Variants in EPN3 observed in about 807,000 individuals in gnomAD.
EPN3 encodes the protein epsin-3.
In EPN3, 56 loss-of-function variants were observed where a neutral mutation model predicts 55.5. The ratio of observed to expected loss-of-function variants is 1.01; its 90% CI spans 0.81 to 1.26. The LOEUF is 1.26. Among genes scored for constraint, EPN3 ranks in the 50% most tolerant of loss-of-function variants. EPN3 has a pLI of 0.00. For synonymous variants in EPN3, 449 were observed against 375.2 expected (o/e 1.20, Z -2.27); for missense variants, 927 against 853.4 (o/e 1.09, Z -1.07).
At position 50,542,361 on chromosome 17, in the gene EPN3, C is replaced by G. The variant is rs1223203367; in HGVS notation, c.*204C>G. The G allele has an allele frequency of 1.9e-6, 1 of 520,760 alleles. No individual in the cohort carries two copies. The highest frequency in any genetic ancestry group is 3.2e-6 in the Non-Finnish European group (1 of 316,432). The allele number at this position is 520,760 out of a possible 1,614,324, so 32.3% of individuals were successfully genotyped here. ...CCCGCATAATAAAGACTGGAACCCT[C>G]GTTCTCAGCTCTCACCAAGTGGACT... On this transcript the variant is annotated 3_prime_UTR_variant, in exon 10 of 10. Coordinates refer to ENST00000268933, the MANE Select transcript of EPN3 (RefSeq NM_017957.3).
At position 50,541,476 on chromosome 17, in the gene EPN3, T is replaced by C. The variant is rs111704394; in HGVS notation, c.1367T>C (p.Phe456Ser). The C allele has an allele frequency of 2.9e-5, 47 of 1,614,036 alleles. No individual in the cohort carries two copies. In the East Asian group the frequency reaches 3.8e-4, roughly 13 times the overall value. Reference protein sequence around the residue: ...KPSSPVELDLFGDPSPSSKQN... With the variant: ...KPSSPVELDLSGDPSPSSKQN... ...ATTTCTATTCCAGAGCTGGACCTGT[T>C]TGGAGACCCCAGCCCCAGTTCCAAG... The change falls in exon 9 of 10, where the codon TTT becomes TCT. Residue 456 changes from phenylalanine to serine, a missense_variant. By Grantham distance (155) the Phe-to-Ser change is radical (BLOSUM62 -2). Transcript: ENST00000268933.
At position 50,540,833 on chromosome 17, in the gene EPN3, G is replaced by A. The variant is rs1435118927; in HGVS notation, c.1020G>A (p.Gly340=). 1.2e-6 allele frequency: 2 copies of A among 1,613,730 alleles called. No homozygotes were observed. Among genetic ancestry groups the A allele is most frequent in the African/African-American group, 1.3e-5 (1 of 74,926 alleles). ...PNTEASGSSW[G]PSADPWSPIP... ...CAGAGGCCAGTGGATCCTCCTGGGGGCCTTCTGCAGACCCCTGGTCTCCGA... is the reference window on the plus strand; with the variant it reads ...CAGAGGCCAGTGGATCCTCCTGGGGACCTTCTGCAGACCCCTGGTCTCCGA... The change falls in exon 7 of 10, where the codon GGG becomes GGA. Residue 340 remains glycine (G), a synonymous_variant. Coordinates refer to ENST00000268933, the MANE Select transcript of EPN3 (RefSeq NM_017957.3).
chr17:50,542,176 C>G lies in EPN3; in HGVS notation c.*19C>G. The G allele has an allele frequency of 6.8e-7, 1 of 1,461,708 alleles. No individual in the cohort carries two copies. Among genetic ancestry groups the G allele is most frequent in the Admixed American group, 2.7e-5 (1 of 37,658 alleles). 90.5% of individuals were successfully genotyped at this position (1,461,708 alleles called of 1,614,324 possible). A position where few individuals can be genotyped will look rare whatever the true frequency, so the allele number is the denominator to read the frequency against. The stretch of plus-strand genomic sequence containing the variant: ...CCTCTGAGCCCCGCCCCGTCCCATA[C>G]CGGCCTGCGCCTGCGCCGGACGCTC... On this transcript the variant is annotated 3_prime_UTR_variant, in exon 10 of 10. Coordinates refer to ENST00000268933, the MANE Select transcript of EPN3 (RefSeq NM_017957.3).
In EPN3 at chr17:50,532,801, C is replaced by A; in HGVS notation, c.-321C>A. On this transcript the variant is annotated 5_prime_UTR_variant, in exon 1 of 10. Transcript: ENST00000268933. ...GAAGAGCTGCTACCCATTCCAGGGACCCTGCCGCTGCCCCTCTGAGGGGTC... is the reference window on the plus strand; with the variant it reads ...GAAGAGCTGCTACCCATTCCAGGGAACCTGCCGCTGCCCCTCTGAGGGGTC... 9.9e-7 allele frequency: 1 copy of A among 1,015,202 alleles called. No homozygotes were observed. 62.9% of individuals were successfully genotyped at this position (1,015,202 alleles called of 1,614,324 possible). A position where few individuals can be genotyped will look rare whatever the true frequency, so the allele number is the denominator to read the frequency against.
intron 1 of EPN3, among the ~76,000 whole-genome samples, chr17:50,535,296 G>A (rs557259314): frequency 1.3e-5 from 2 of 152,228 alleles, no homozygotes; most frequent in South Asian, 2.1e-4. Context: ...GGGTAACACT[G>A]ACAATAAGAA....
chr17:50,538,947 C>T lies in EPN3; in HGVS notation c.745C>T (p.Arg249Trp), dbSNP rs771681202. 7.5e-6 allele frequency: 12 copies of T among 1,606,900 alleles called. No individual in the cohort carries two copies. Among genetic ancestry groups the T allele is most frequent in the Admixed American group, 5.0e-5 (3 of 59,488 alleles). The change falls in exon 4 of 10, where the codon CGG (arginine) becomes TGG (tryptophan). Residue 249 changes from arginine to tryptophan, a missense_variant. Physicochemically the swap from Arg to Trp is moderately radical, Grantham distance 101. Coordinates refer to ENST00000268933, the MANE Select transcript of EPN3 (RefSeq NM_017957.3). ...GCTGCAGCTGGCTCTGCGCCTGAGCCGGCAGGAGCACGAGAAGGTAGTGGG... is the reference window on the plus strand; with the variant it reads ...GCTGCAGCTGGCTCTGCGCCTGAGCTGGCAGGAGCACGAGAAGGTAGTGGG... Reference protein sequence around the residue: ...LQLQLALRLSRQEHEKEVRSW... With the variant: ...LQLQLALRLSWQEHEKEVRSW...
chr17:50,533,859 C>T (rs561261913), intron 1 of EPN3, among the ~76,000 whole-genome samples: 39 of 152,322 alleles, frequency 2.6e-4, no homozygotes, highest in African/African-American at 8.9e-4. Flanking sequence ...CCCTTCCCTC[C>T]ACCTGACAGG....
chr17:50,538,386 C>A, intron 3 of EPN3, 189 bp downstream of exon 3: 1 of 582,372 alleles, frequency 1.7e-6, no homozygotes, highest in Non-Finnish European at 3.1e-6. Flanking sequence ...CCAGTCCTCT[C>A]CACTGGGCCT....
chr17:50,539,903 C>A (rs537327966), intron 5 of EPN3, among the ~76,000 whole-genome samples: 1 of 152,312 alleles, frequency 6.6e-6, no homozygotes, highest in East Asian at 1.9e-4. Flanking sequence ...TGCCTTTGGC[C>A]TTCCTGCCCC....
At position 50,536,822 on chromosome 17, in the gene EPN3, C is replaced by T. The variant is rs142573772; in HGVS notation, c.266C>T (p.Ser89Phe). The T allele has an allele frequency of 5.0e-6, 8 of 1,614,036 alleles. No homozygotes were observed. In the African/African-American group the frequency reaches 1.1e-4, roughly 22 times the overall value. ...TLLDYLLKTG[S>F]ERVAHQCREN... ...CTGGACTACCTGCTCAAGACGGGCT[C>T]CGAGCGGGTGGCCCACCAGTGCCGC... The change falls in exon 2 of 10, where the codon TCC becomes TTC. Residue 89 changes from serine (S) to phenylalanine (F), a missense_variant. Transcript: ENST00000268933.
Position 50,536,531 on chromosome 17 carries a change from G to A in EPN3, c.-26G>A. On this transcript the variant is annotated 5_prime_UTR_variant, in exon 2 of 10. Transcript: ENST00000268933. ...GCCCTCCACCTCCGGCGGGGGCGAG[G>A]GCCACCCACCTCCAAGTCTCCAGCC... is the stretch of plus-strand genomic sequence containing the variant. 6.2e-7 allele frequency: 1 copy of A among 1,612,642 alleles called. No individual in the cohort carries two copies. The highest frequency in any genetic ancestry group is 8.5e-7 in the Non-Finnish European group (1 of 1,179,976).
chr17:50,538,691 G>A, intron 3 of EPN3, 193 bp from the exon 4 acceptor site: 1 of 505,690 alleles, frequency 2.0e-6, no homozygotes, highest in East Asian at 3.1e-5. Flanking sequence ...CAGTCTTCCT[G>A]ACCTTTAAAC....
chr17:50,536,489 C>T lies in EPN3; in HGVS notation c.-68C>T, dbSNP rs1333585901. The T allele has an allele frequency of 9.4e-6, 15 of 1,599,888 alleles. No homozygotes were observed. Among genetic ancestry groups the T allele is most frequent in the African/African-American group, 6.7e-5 (5 of 74,098 alleles). On this transcript the variant is annotated 5_prime_UTR_variant, in exon 2 of 10. Coordinates refer to ENST00000268933, the MANE Select transcript of EPN3 (RefSeq NM_017957.3). ...AGCCCATCCTTCAAGACTGTGACCTCGCCACAGTGGCCCTCAGCCCTCCAC... is the reference window on the plus strand; with the variant it reads ...AGCCCATCCTTCAAGACTGTGACCTTGCCACAGTGGCCCTCAGCCCTCCAC...
In EPN3 at chr17:50,540,282, T is replaced by G. The variant is rs766916656; in HGVS notation, c.927T>G (p.Pro309=). 12 of 1,612,604 alleles carry G rather than the reference T, an allele frequency of 7.4e-6. No homozygotes were observed. The highest frequency in any genetic ancestry group is 1.0e-5 in the Non-Finnish European group (12 of 1,179,956). ...SILDLADIFV[P]ALAPPSTHCS... is the part of the protein sequence containing the mutation. ...TGGACTTGGCTGACATCTTCGTACCTGCCCTGGCCCCGCCCTCCACACACT... is the reference window on the plus strand; with the variant it reads ...TGGACTTGGCTGACATCTTCGTACCGGCCCTGGCCCCGCCCTCCACACACT... The change falls in exon 6 of 10, where the codon CCT becomes CCG. Residue 309 remains proline (P), a synonymous_variant. Coordinates refer to ENST00000268933, the MANE Select transcript of EPN3 (RefSeq NM_017957.3).
intron 5 of EPN3, among the ~76,000 whole-genome samples, chr17:50,539,648 C>T (rs910874517): frequency 2.0e-5 from 3 of 152,200 alleles, no homozygotes; most frequent in African/African-American, 7.2e-5. Flanking sequence ...CCAGCTCTGA[C>T]ATGCTAGGAT....
chr17:50,539,405 A>G, intron 5 of EPN3, 90 bp downstream of exon 5: 1 of 1,572,042 alleles, frequency 6.4e-7, no homozygotes, highest in Non-Finnish European at 8.7e-7. Flanking sequence ...TGCCTGGCAT[A>G]TAGTAAGCAC....
At position 50,541,890 on chromosome 17, in the gene EPN3, G is replaced by T. The variant is rs754976138; in HGVS notation, c.1632G>T (p.Pro544=). The change falls in exon 10 of 10, where the codon CCG becomes CCT. Residue 544 remains proline, a synonymous_variant. Transcript: ENST00000268933. The stretch of plus-strand genomic sequence containing the variant: ...CCAACCCGTTCGGCGCGGGCGAGCC[G>T]GGCAGGCCGACGCTAAACCAGATGC... ...SPTNPFGAGE[P]GRPTLNQMRT... 3.1e-6 allele frequency: 5 copies of T among 1,606,230 alleles called. No homozygotes were observed. Among genetic ancestry groups the T allele is most frequent in the Admixed American group, 3.3e-5 (2 of 59,982 alleles).
In EPN3 at chr17:50,538,100, A is replaced by G; in HGVS notation, c.584A>G (p.Tyr195Cys). 1 of 1,614,028 alleles carries G rather than the reference A, an allele frequency of 6.2e-7. No homozygotes were observed. Among genetic ancestry groups the G allele is most frequent in the Non-Finnish European group, 8.5e-7 (1 of 1,179,974 alleles). The change falls in exon 3 of 10, where the codon TAT becomes TGT. Residue 195 changes from tyrosine to cysteine, a missense_variant. Tyr to Cys is a radical substitution (Grantham distance 194). Transcript: ENST00000268933. ...SYNSSSSSPRYTSDLEQARPQ... is the reference protein window; with the variant it reads ...SYNSSSSSPRCTSDLEQARPQ... Reference sequence around the variant, plus strand: ...GCAGCCTCCTCTTCGTCACCCCGCTATACCTCCGACCTGGAGCAGGCCCGG... The same window carrying G: ...GCAGCCTCCTCTTCGTCACCCCGCTGTACCTCCGACCTGGAGCAGGCCCGG...
At chr17:50,534,455 G>A (rs1011174688) in intron 1 of EPN3, 12 of 985,434 alleles carry the variant, frequency 1.2e-5, no homozygotes, top group African/African-American at 5.2e-5. Flanking sequence ...GCGGCCAGCC[G>A]GTAGGGGCGT....
Sources: allele counts gnomAD v4.1 joint callset (sites outside exome capture counted in the v4.1 genomes callset), GRCh38; gene constraint gnomAD v4.1.1; transcripts MANE v1.5; gene names NCBI Gene and HGNC (gene_info 2026-07-23, HGNC 2026-07-21).